The following RNF13 variants were observed in gnomAD, a reference collection of about 807,000 sequenced individuals.
RNF13 encodes the protein ring finger protein 13.
In RNF13, 19 loss-of-function variants were observed where a neutral mutation model predicts 37.7. The observed-to-expected ratio is 0.50, with a 90% CI of 0.35 to 0.74. RNF13 has a LOEUF of 0.74. Among genes scored for constraint, RNF13 ranks in the 30% least tolerant of loss-of-function variants. The pLI is 0.01. For synonymous variants in RNF13, 144 were observed against 157.8 expected (o/e 0.91, Z 0.65); for missense variants, 375 against 453.0 (o/e 0.83, Z 1.56).
At position 149,846,065 on chromosome 3, in the gene RNF13, A is replaced by G. The variant is rs778708274; in HGVS notation, c.39A>G (p.Thr13=). The change falls in exon 2 of 10, where the codon ACA becomes ACG. Residue 13 remains threonine, a synonymous_variant. Transcript: ENST00000392894. Reference sequence around the variant, plus strand: ...TAGGGATGCTCATGCTGTCAGCCACACAAGTCTACACCATCTTGACTGTCC... The same window carrying G: ...TAGGGATGCTCATGCTGTCAGCCACGCAAGTCTACACCATCTTGACTGTCC... ...LSIGMLMLSA[T]QVYTILTVQL... 3 of 1,612,194 alleles carry G rather than the reference A, an allele frequency of 1.9e-6. No individual in the cohort carries two copies. Among genetic ancestry groups the G allele is most frequent in the African/African-American group, 2.7e-5 (2 of 74,774 alleles).
At chr3:149,836,213 C>T (rs1290873572) in intron 1 of RNF13, among the ~76,000 whole-genome samples, 1 of 152,028 alleles carries the variant, frequency 6.6e-6, no homozygotes, top group Non-Finnish European at 1.5e-5. Context: ...CTATTCATGT[C>T]CTTAGCCCAC....
At chr3:149,940,059 T>C (rs1000710166) in intron 8 of RNF13, among the ~76,000 whole-genome samples, 2 of 152,232 alleles carry the variant, frequency 1.3e-5, no homozygotes, top group Non-Finnish European at 2.9e-5. Context: ...TTTATCATTG[T>C]TCTGTATTTG....
intron 3 of RNF13, among the ~76,000 whole-genome samples, chr3:149,857,516 T>C (rs1004128106): frequency 1.6e-4 from 25 of 152,238 alleles, no homozygotes; most frequent in Non-Finnish European, 3.1e-4. Flanking sequence ...ACAACCTTTT[T>C]AGACCTTGTA....
At chr3:149,942,611 A>G (rs993581861) in intron 8 of RNF13, among the ~76,000 whole-genome samples, 2 of 152,082 alleles carry the variant, frequency 1.3e-5, no homozygotes, top group Non-Finnish European at 2.9e-5. Context: ...TGAATTTGCT[A>G]ATTTTAACAG....
intron 1 of RNF13, among the ~76,000 whole-genome samples, chr3:149,841,354 C>T (rs903129292): frequency 3.9e-5 from 6 of 152,162 alleles, no homozygotes; most frequent in African/African-American, 1.2e-4. Flanking sequence ...TATTTGAGAA[C>T]ATGTTAATAA....
At chr3:149,877,365 C>A (rs1712841453) in intron 4 of RNF13, among the ~76,000 whole-genome samples, 1 of 151,764 alleles carries the variant, frequency 6.6e-6, no homozygotes, top group African/African-American at 2.4e-5. Flanking sequence ...TTTATTTATC[C>A]CACAGATATT....
At chr3:149,839,789 G>A (rs1423018197) in intron 1 of RNF13, among the ~76,000 whole-genome samples, 1 of 152,100 alleles carries the variant, frequency 6.6e-6, no homozygotes, top group East Asian at 1.9e-4. Flanking sequence ...TAATATCTGG[G>A]CCATATTTCC....
intron 1 of RNF13, 65 bp downstream of exon 1, chr3:149,813,418 C>G (rs1719105029): frequency 6.6e-6 from 1 of 152,420 alleles, no homozygotes; most frequent in South Asian, 2.1e-4. Context: ...GAGAACATAC[C>G]CCGCTTGTTG....
intron 1 of RNF13, among the ~76,000 whole-genome samples, chr3:149,838,218 C>T (rs983058056): frequency 1.3e-5 from 2 of 152,134 alleles, no homozygotes; most frequent in Non-Finnish European, 2.9e-5. Flanking sequence ...CATGGGCTGG[C>T]GTTGAGTGTC....
chr3:149,827,763 G>A (rs1720652037), intron 1 of RNF13, among the ~76,000 whole-genome samples: 1 of 152,164 alleles, frequency 6.6e-6, no homozygotes, highest in Non-Finnish European at 1.5e-5. Context: ...TCAAGGGAGA[G>A]TGTGGTGTCC....
intron 1 of RNF13, among the ~76,000 whole-genome samples, chr3:149,840,359 CT>C (rs1269930505): frequency 6.6e-6 from 1 of 151,990 alleles, no homozygotes; most frequent in South Asian, 2.1e-4. Flanking sequence ...AGAAGTGTGA[CT>C]TTTTTTATTA....
intron 8 of RNF13, among the ~76,000 whole-genome samples, chr3:149,943,585 A>G (rs772030395): frequency 3.3e-5 from 5 of 152,148 alleles, no homozygotes; most frequent in South Asian, 2.1e-4. Flanking sequence ...TGTACATTCT[A>G]TGGGTTTAGA....
chr3:149,865,357 A>C (rs1724710150), intron 3 of RNF13, among the ~76,000 whole-genome samples: 1 of 99,206 alleles, frequency 1.0e-5, no homozygotes, highest in Non-Finnish European at 2.4e-5. Context: ...TATATGTATA[A>C]AACAGACATT....
At chr3:149,864,214 G>T (rs1003901038) in intron 3 of RNF13, among the ~76,000 whole-genome samples, 1 of 151,832 alleles carries the variant, frequency 6.6e-6, no homozygotes, top group African/African-American at 2.4e-5. Context: ...TGTAATGAAT[G>T]AATTCTCACT....
chr3:149,910,121 C>T (rs1716836442), intron 6 of RNF13, among the ~76,000 whole-genome samples: 1 of 152,082 alleles, frequency 6.6e-6, no homozygotes, highest in South Asian at 2.1e-4. Flanking sequence ...ATTAGCGTCT[C>T]ATGGAAAGGC....
At chr3:149,878,522 A>G (rs1713015157) in intron 4 of RNF13, among the ~76,000 whole-genome samples, 1 of 152,184 alleles carries the variant, frequency 6.6e-6, no homozygotes, top group Non-Finnish European at 1.5e-5. Context: ...TCTGGATCTT[A>G]TTTCAATAAT....
intron 5 of RNF13, 85 bp downstream of exon 5, chr3:149,895,645 T>G: frequency 1.0e-6 from 1 of 964,806 alleles, no homozygotes; most frequent in Non-Finnish European, 1.6e-6. Flanking sequence ...TCTCTCATTT[T>G]CTTTTTAAAA....
At chr3:149,860,509 T>C (rs991923835) in intron 3 of RNF13, among the ~76,000 whole-genome samples, 7 of 151,472 alleles carry the variant, frequency 4.6e-5, no homozygotes, top group African/African-American at 7.3e-5. Flanking sequence ...GCCAAGAACA[T>C]ACACTGGGGA....
chr3:149,859,389 GTTGC>G, intron 3 of RNF13, among the ~76,000 whole-genome samples: 1 of 152,176 alleles, frequency 6.6e-6, no homozygotes, highest in South Asian at 2.1e-4. Context: ...AAAAGTAATG[GTTGC>G]TTATTCATTT....
Sources: allele counts gnomAD v4.1 joint callset (sites outside exome capture counted in the v4.1 genomes callset), GRCh38; gene constraint gnomAD v4.1.1; transcripts MANE v1.5; gene names NCBI Gene and HGNC (gene_info 2026-07-23, HGNC 2026-07-21).